Variants in PPP1R14C observed in about 807,000 individuals in gnomAD.
PPP1R14C encodes protein phosphatase 1 regulatory inhibitor subunit 14C.
Under a neutral mutation model 20.4 loss-of-function variants are expected in PPP1R14C, and 16 were observed. The ratio of observed to expected loss-of-function variants is 0.78; its 90% CI spans 0.53 to 1.19. The LOEUF (loss-of-function observed/expected upper bound fraction) is 1.19. Ranked by LOEUF, PPP1R14C falls within the 50% of genes most tolerant of loss-of-function variation. PPP1R14C has a pLI of 0.00. For synonymous variants in PPP1R14C, 91 were observed against 91.0 expected, an observed-to-expected ratio of 1.00 and a Z score of 0.00; for missense variants, 211 against 220.1, an observed-to-expected ratio of 0.96 and a Z score of 0.26.
At chr6:150,214,880 A>C (rs1318357310) in intron 2 of PPP1R14C, 53 bp downstream of exon 2, 32 of 1,319,552 alleles carry the variant, frequency 2.4e-5, no homozygotes, top group Non-Finnish European at 3.2e-5. Context: ...TTGAGAGTCT[A>C]CTTGGGTCTT....
Position 150,161,194 on chromosome 6 carries a change from C to T in PPP1R14C, c.306+17696C>T, listed in dbSNP as rs748788638. ...ACTCGGGAGGCTGAGACAGGAGAAT[C>T]GCTTGAACCCAGGAGGCAGAGGTTG... On this transcript the variant is annotated intron_variant, in intron 1 of 3. Transcript: ENST00000361131. Among the ~76,000 whole-genome samples the T allele has an allele frequency of 3.3e-5, 5 of 151,754 alleles. No individual in the cohort carries two copies. In the South Asian group the frequency reaches 6.2e-4, roughly 19 times the overall value.
intron 1 of PPP1R14C, among the ~76,000 whole-genome samples, chr6:150,149,901 T>C (rs1434282068): frequency 6.6e-6 from 1 of 152,224 alleles, no homozygotes; most frequent in Non-Finnish European, 1.5e-5. Context: ...AAACTGTTCC[T>C]CCTGTTTCTA....
chr6:150,151,138 ACT>A (rs1357360563), intron 1 of PPP1R14C, among the ~76,000 whole-genome samples: 4 of 150,748 alleles, frequency 2.7e-5, no homozygotes, highest in South Asian at 2.1e-4. Context: ...ACAACGTGTG[ACT>A]CTGTATTTTT....
chr6:150,216,285 C>T (rs539844947), intron 2 of PPP1R14C, among the ~76,000 whole-genome samples: 20 of 152,248 alleles, frequency 1.3e-4, no homozygotes, highest in African/African-American at 3.4e-4. Context: ...CACCTGAGGT[C>T]GGGAGTTCGA....
intron 1 of PPP1R14C, among the ~76,000 whole-genome samples, chr6:150,208,707 TG>T (rs1371350870): frequency 1.3e-4 from 20 of 152,332 alleles, no homozygotes; most frequent in African/African-American, 4.8e-4. Context: ...TGATAGCGTT[TG>T]GCTTCACTTG....
At chr6:150,211,927 A>C (rs1002397187) in intron 1 of PPP1R14C, among the ~76,000 whole-genome samples, 1 of 152,168 alleles carries the variant, frequency 6.6e-6, no homozygotes, top group African/African-American at 2.4e-5. Context: ...ACGATGACTC[A>C]ATCACTTGAG....
At chr6:150,243,174 C>CT (rs574248701) in intron 3 of PPP1R14C, among the ~76,000 whole-genome samples, 17,242 of 129,286 alleles carry the variant, frequency 0.13, 1,430 homozygotes, top group East Asian at 0.34. Flanking sequence ...TCTAAAATTC[C>CT]TTTTTTTTTT....
intron 3 of PPP1R14C, among the ~76,000 whole-genome samples, chr6:150,232,213 A>G (rs904141576): frequency 6.6e-6 from 1 of 151,824 alleles, no homozygotes; most frequent in Admixed American, 6.6e-5. Context: ...TTGGGTGTTC[A>G]TGTTTCCTTC....
intron 3 of PPP1R14C, among the ~76,000 whole-genome samples, chr6:150,242,642 A>T (rs999513892): frequency 6.6e-6 from 1 of 152,256 alleles, no homozygotes; most frequent in African/African-American, 2.4e-5. Context: ...CCCTAAGATC[A>T]GTAACATGGT....
At chr6:150,167,973 T>TCCTCCCCTTTCTCC (rs1777446032) in intron 1 of PPP1R14C, among the ~76,000 whole-genome samples, 9 of 28,202 alleles carry the variant, frequency 3.2e-4, no homozygotes, top group South Asian at 1.1e-3. Context: ...CCTCTTTCTC[T>TCCTCCCCTTTCTCC]CCTTCTCTCC....
Position 150,233,960 on chromosome 6 carries a change from AAC to A in PPP1R14C, c.424-14778_424-14777del, listed in dbSNP as rs748777716. Among the ~76,000 whole-genome samples the A allele has an allele frequency of 2.0e-5, 3 of 152,196 alleles. No homozygotes were observed. The South Asian group carries it at 6.2e-4, about 32-fold the overall frequency. On this transcript the variant is annotated intron_variant, in intron 3 of 3. Transcript: ENST00000361131. ...ACGTTGTAGCTATGGCAGTTCACGTAACACACACAGCTTTGGGATGTGGGAGG... is the reference window on the plus strand; with the variant it reads ...ACGTTGTAGCTATGGCAGTTCACGTAACACACAGCTTTGGGATGTGGGAGG...
At chr6:150,166,309 T>A (rs1777421907) in intron 1 of PPP1R14C, among the ~76,000 whole-genome samples, 1 of 152,140 alleles carries the variant, frequency 6.6e-6, no homozygotes, top group African/African-American at 2.4e-5. Context: ...CTCGATCTCC[T>A]GACCTCATGA....
chr6:150,234,889 C>T (rs530954492), intron 3 of PPP1R14C, among the ~76,000 whole-genome samples: 5 of 140,646 alleles, frequency 3.6e-5, no homozygotes, highest in African/African-American at 5.5e-5. Context: ...AATCAAACTG[C>T]GGACGCACAC....
chr6:150,212,417 C>T (rs1778037259), intron 1 of PPP1R14C, among the ~76,000 whole-genome samples: 1 of 152,174 alleles, frequency 6.6e-6, no homozygotes, highest in South Asian at 2.1e-4. Flanking sequence ...GGGGAAGATG[C>T]CTAACTGAAG....
chr6:150,218,479 C>A (rs1029766483), intron 3 of PPP1R14C, among the ~76,000 whole-genome samples: 1 of 115,032 alleles, frequency 8.7e-6, no homozygotes, highest in African/African-American at 3.7e-5. Flanking sequence ...TCTGAACCCC[C>A]CCCCCCAAAA....
rs183381195 is a variant in PPP1R14C at position 150,163,456 on chromosome 6, G to T, written c.306+19958G>T. On this transcript the variant is annotated intron_variant, in intron 1 of 3. Transcript: ENST00000361131. Reference sequence around the variant, plus strand: ...AACATACAAAGTACACAAAACCCAAGTGTAAGTGCACAGTTGATGAATTTT... The same window carrying T: ...AACATACAAAGTACACAAAACCCAATTGTAAGTGCACAGTTGATGAATTTT... 4.2e-3 allele frequency among the ~76,000 whole-genome samples: 647 copies of T among 152,246 alleles called. 5 individuals carry two copies. The highest frequency in any genetic ancestry group is 0.015 in the African/African-American group (626 of 41,528).
intron 3 of PPP1R14C, among the ~76,000 whole-genome samples, chr6:150,235,687 C>T (rs918251091): frequency 6.6e-6 from 1 of 152,146 alleles, no homozygotes; most frequent in African/African-American, 2.4e-5. Context: ...TCCTTTCCTC[C>T]TTCCCCTCCT....
intron 1 of PPP1R14C, among the ~76,000 whole-genome samples, chr6:150,191,896 G>A (rs1777750392): frequency 1.3e-5 from 2 of 152,198 alleles, no homozygotes; most frequent in South Asian, 4.1e-4. Flanking sequence ...GCAATGGAGT[G>A]GTCTCTGAAC....
At chr6:150,188,639 A>G (rs1285944350) in intron 1 of PPP1R14C, among the ~76,000 whole-genome samples, 1 of 149,524 alleles carries the variant, frequency 6.7e-6, no homozygotes, top group African/African-American at 2.5e-5. Flanking sequence ...GGCGCCCACC[A>G]CCACGCCCGG....
Sources: allele counts gnomAD v4.1 joint callset (sites outside exome capture counted in the v4.1 genomes callset), GRCh38; gene constraint gnomAD v4.1.1; transcripts MANE v1.5; gene names NCBI Gene and HGNC (gene_info 2026-07-23, HGNC 2026-07-21).